The following STPG2 variants were observed in gnomAD, a reference collection of about 807,000 sequenced individuals.
STPG2 encodes sperm-tail PG-rich repeat-containing protein 2.
Under a neutral mutation model 54.2 loss-of-function variants are expected in STPG2, and 56 were observed. The observed-to-expected ratio is 1.03, with a 90% CI of 0.83 to 1.29. STPG2 has a LOEUF of 1.29. STPG2 is among the 50% of genes most tolerant of loss of function. STPG2 has a pLI of 0.00. For missense variants in STPG2, 596 were observed against 544.9 expected, an observed-to-expected ratio of 1.09 and a Z score of -0.93; for synonymous variants, 200 against 181.8, an observed-to-expected ratio of 1.10 and a Z score of -0.81.
At chr4:97,661,855 A>C (rs1008407643) in intron 10 of STPG2, among the ~76,000 whole-genome samples, 1 of 152,144 alleles carries the variant, frequency 6.6e-6, no homozygotes, top group Non-Finnish European at 1.5e-5. Context: ...GTCTCCACAG[A>C]GCTTTGGCAA....
intron 2 of STPG2, among the ~76,000 whole-genome samples, 160 bp from the exon 3 acceptor site, chr4:98,128,752 T>C (rs1009520077): frequency 9.9e-5 from 15 of 152,104 alleles, no homozygotes; most frequent in African/African-American, 3.4e-4. Flanking sequence ...TTTTTTGAGA[T>C]AGGGTCTCAC....
intron 5 of STPG2, among the ~76,000 whole-genome samples, chr4:98,102,737 C>CTTCTTCCCT (rs1038293165): frequency 2.0e-5 from 3 of 151,320 alleles, no homozygotes; most frequent in African/African-American, 7.3e-5. Flanking sequence ...TCTGATTTTT[C>CTTCTTCCCT]TTCTTCCCTT....
chr4:97,666,799 G>T (rs1030611141), intron 10 of STPG2, among the ~76,000 whole-genome samples: 3 of 152,148 alleles, frequency 2.0e-5, no homozygotes, highest in African/African-American at 7.2e-5. Context: ...AGATCATAAA[G>T]ATATTATTAG....
chr4:98,069,608 C>T (rs1737941022), intron 5 of STPG2, among the ~76,000 whole-genome samples: 1 of 152,030 alleles, frequency 6.6e-6, no homozygotes, highest in Non-Finnish European at 1.5e-5. Flanking sequence ...AGTTTGAGTT[C>T]TAACTGTTGA....
intron 10 of STPG2, among the ~76,000 whole-genome samples, chr4:97,576,635 T>C (rs1365926973): frequency 6.6e-6 from 1 of 152,002 alleles, no homozygotes; most frequent in African/African-American, 2.4e-5. Context: ...CCTAAAACTA[T>C]AAAAAATCCT....
intron 8 of STPG2, among the ~76,000 whole-genome samples, chr4:97,925,054 A>T (rs2149213578): frequency 6.6e-6 from 1 of 152,364 alleles, no homozygotes; most frequent in African/African-American, 2.4e-5. Context: ...CACATGAGAA[A>T]ATGTTATCAA....
intron 10 of STPG2, among the ~76,000 whole-genome samples, chr4:97,593,306 C>A (rs888171394): frequency 9.9e-5 from 15 of 152,140 alleles, no homozygotes; most frequent in Non-Finnish European, 1.5e-5. Context: ...CCACAGCCAC[C>A]CCTTCCACTG....
At chr4:97,855,595 T>C (rs1232189461) in intron 8 of STPG2, among the ~76,000 whole-genome samples, 1 of 152,122 alleles carries the variant, frequency 6.6e-6, no homozygotes, top group Admixed American at 6.6e-5. Flanking sequence ...ATTGCAAAAA[T>C]TTTCTCCCAT....
At chr4:97,455,623 G>T (rs555725883) in intron 4 of STPG2, among the ~76,000 whole-genome samples, 30 of 152,192 alleles carry the variant, frequency 2.0e-4, no homozygotes, top group African/African-American at 7.0e-4. Context: ...CTACTTCCAC[G>T]GAATAAAACC....
intron 4 of STPG2, among the ~76,000 whole-genome samples, chr4:97,520,505 A>T (rs2136079): frequency 0.48 from 72,212 of 151,840 alleles, 18,120 homozygotes; most frequent in South Asian, 0.63. Context: ...TTATGAGAAT[A>T]AAAAAAGGTT....
chr4:97,953,549 C>T (rs998992840), intron 7 of STPG2, among the ~76,000 whole-genome samples: 2 of 152,214 alleles, frequency 1.3e-5, no homozygotes. Flanking sequence ...TGAGATCCCC[C>T]CATGACACAG....
chr4:97,848,214 T>A (rs1160104565), intron 8 of STPG2, among the ~76,000 whole-genome samples: 1 of 152,202 alleles, frequency 6.6e-6, no homozygotes, highest in Middle Eastern at 3.2e-3. Context: ...TTGAGAACCC[T>A]AGCTAGAAGT....
intron 3 of STPG2, among the ~76,000 whole-genome samples, chr4:98,118,810 A>G (rs1373931662): frequency 6.6e-6 from 1 of 152,176 alleles, no homozygotes; most frequent in African/African-American, 2.4e-5. Flanking sequence ...TGTCAAAAGG[A>G]CACAAAAAGT....
intron 9 of STPG2, among the ~76,000 whole-genome samples, chr4:97,714,104 G>C (rs1444656804): frequency 1.3e-5 from 2 of 151,962 alleles, no homozygotes; most frequent in Non-Finnish European, 2.9e-5. Context: ...AATATAAACA[G>C]TGAAATAGAA....
At chr4:97,557,499 A>C (rs1732108982), downstream of STPG2, among the ~76,000 whole-genome samples, 2 of 152,180 alleles carry the variant, frequency 1.3e-5, no homozygotes, top group South Asian at 4.1e-4. Context: ...TTATTCCTAA[A>C]TTTTTGTTGA....
At chr4:97,939,328 A>ATT (rs56303912) in intron 8 of STPG2, among the ~76,000 whole-genome samples, 127,295 of 151,964 alleles carry the variant, frequency 0.84, 53,482 homozygotes, top group Middle Eastern at 0.94. Flanking sequence ...TATCAGATCC[A>ATT]TGGTCCAATG....
In STPG2 at chr4:98,128,583, T is replaced by A. The variant is rs766339392; in HGVS notation, c.232A>T (p.Arg78Ter). Residue 78 changes from arginine to a stop codon, truncating the protein, a stop_gained, in exon 3 of 11, where the codon AGA becomes TGA. Transcript: ENST00000295268. LOFTEE classifies it high-confidence loss of function. Reference protein sequence around the residue: ...YNVSEAQKISRSPTLTRSVDV... With the variant: ...YNVSEAQKIS Reference sequence around the variant, plus strand: ...ACACTTCTGGTAAGTGTAGGTGATCTTGAAATTTTCTGCAAGGAAAACATT... The same window carrying A: ...ACACTTCTGGTAAGTGTAGGTGATCATGAAATTTTCTGCAAGGAAAACATT... 1 of 1,584,896 alleles carries A rather than the reference T, an allele frequency of 6.3e-7. No individual in the cohort carries two copies. The highest frequency in any genetic ancestry group is 8.6e-7 in the Non-Finnish European group (1 of 1,169,164).
intron 10 of STPG2, among the ~76,000 whole-genome samples, chr4:97,633,011 T>C (rs973151849): frequency 6.6e-6 from 1 of 152,068 alleles, no homozygotes; most frequent in African/African-American, 2.4e-5. Context: ...GATCAATAGA[T>C]AGACAGAGAT....
At chr4:97,563,599 C>T (rs1245668626) in intron 10 of STPG2, among the ~76,000 whole-genome samples, 1 of 152,208 alleles carries the variant, frequency 6.6e-6, no homozygotes, top group African/African-American at 2.4e-5. Flanking sequence ...TCCCTCTACA[C>T]ACTATTTTGA....
Sources: gnomAD v4.1 joint callset for allele counts (sites outside exome capture counted in the v4.1 genomes callset) on GRCh38, gnomAD v4.1.1 for gene constraint, MANE v1.5 for transcripts, NCBI Gene and HGNC (gene_info 2026-07-23, HGNC 2026-07-21) for gene names.